Variants in DYM observed in about 807,000 individuals in gnomAD.
The protein encoded by DYM is dymeclin.
In DYM, 78 loss-of-function variants were observed where a neutral mutation model predicts 93.1. That is an observed-to-expected ratio of 0.84 (90% CI 0.70 to 1.01). DYM has a LOEUF of 1.01. Ranked by LOEUF, DYM falls within the 50% of genes least tolerant of loss-of-function variation. The probability of loss-of-function intolerance (pLI) is 0.00; values close to 1 mark genes in which losing one functional copy is unlikely to be tolerated. For missense variants in DYM, 789 were observed against 845.0 expected (o/e 0.93, Z 0.82); for synonymous variants, 321 against 319.7 (o/e 1.00, Z -0.04).
intron 8 of DYM, among the ~76,000 whole-genome samples, chr18:49,322,232 G>A (rs1006376198): frequency 5.9e-5 from 9 of 152,042 alleles, no homozygotes; most frequent in Non-Finnish European, 1.0e-4. Flanking sequence ...TTTTTGGATG[G>A]CTCATTCAAA....
intron 1 of DYM, chr18:49,447,422 T>G (rs2082183519): frequency 6.6e-6 from 1 of 152,252 alleles, no homozygotes; most frequent in South Asian, 2.1e-4. Context: ...ACACCCCAGA[T>G]AGTGTAGCCA....
intron 1 of DYM, among the ~76,000 whole-genome samples, chr18:49,454,373 T>G (rs1357515387): frequency 6.6e-6 from 1 of 152,158 alleles, no homozygotes; most frequent in African/African-American, 2.4e-5. Context: ...CACACGATAA[T>G]GCCTGCAGAA....
At position 49,274,840 on chromosome 18, in the gene DYM, A is replaced by G. The variant is rs574141473; in HGVS notation, c.1126-2537T>C. On this transcript the variant is annotated intron_variant, in intron 10 of 17. Coordinates refer to ENST00000675505, the MANE Select transcript of DYM (RefSeq NM_001353214.3). Reference sequence around the variant, plus strand: ...CATTTTTTAATTGGGTTGTCCTTCTACTATTGGGTTTAAAAAGTTCTTTAC... The same window carrying G: ...CATTTTTTAATTGGGTTGTCCTTCTGCTATTGGGTTTAAAAAGTTCTTTAC... Among the ~76,000 whole-genome samples, 5 of 152,146 alleles carry G rather than the reference A, an allele frequency of 3.3e-5. No individual in the cohort carries two copies. In the East Asian group the frequency reaches 9.6e-4, roughly 29 times the overall value.
At position 49,430,347 on chromosome 18, in the gene DYM, G is replaced by A. The variant is rs120074161; in HGVS notation, c.48C>T (p.Tyr16=). The change falls in exon 2 of 18, where the codon TAC becomes TAT. Residue 16 remains tyrosine (Y), a synonymous_variant. Coordinates refer to ENST00000675505, the MANE Select transcript of DYM (RefSeq NM_001353214.3). ...ATTCCGTGCCTGATAACTTTTTCAA[G>A]TACTCATTTTTAGGAAGATCGCCGA... is the stretch of plus-strand genomic sequence containing the variant. ...SRIGDLPKNE[Y]LKKLSGTESI... is the part of the protein sequence containing the mutation. 4 of 1,613,986 alleles carry A rather than the reference G, an allele frequency of 2.5e-6. No homozygotes were observed. The highest frequency in any genetic ancestry group is 1.1e-5 in the South Asian group (1 of 91,086).
intron 15 of DYM, among the ~76,000 whole-genome samples, chr18:49,160,103 T>A (rs551951843): frequency 6.6e-6 from 1 of 152,336 alleles, no homozygotes; most frequent in Admixed American, 6.5e-5. Flanking sequence ...TATGTAATCC[T>A]GATCATACAA....
At chr18:49,391,091 T>A (rs1568365063) in intron 3 of DYM, among the ~76,000 whole-genome samples, 1 of 152,218 alleles carries the variant, frequency 6.6e-6, no homozygotes, top group South Asian at 2.1e-4. Flanking sequence ...TTTTTCCTTA[T>A]AAGAATCCTG....
chr18:49,110,891 A>C (rs1457465767), intron 16 of DYM, among the ~76,000 whole-genome samples: 2 of 151,922 alleles, frequency 1.3e-5, no homozygotes, highest in African/African-American at 4.8e-5. Flanking sequence ...CTCATTTTTC[A>C]CATGTTTTTC....
intron 8 of DYM, among the ~76,000 whole-genome samples, chr18:49,318,573 G>C (rs1384805340): frequency 6.6e-6 from 1 of 151,998 alleles, no homozygotes; most frequent in Non-Finnish European, 1.5e-5. Flanking sequence ...AGTGAGCCGA[G>C]ATGGCGCCGC....
At chr18:49,363,336 C>A in intron 5 of DYM, 103 bp from the exon 6 acceptor site, 1 of 827,078 alleles carries the variant, frequency 1.2e-6, no homozygotes, top group Non-Finnish European at 2.1e-6. Flanking sequence ...AAACAGTTAT[C>A]ATTATATAAA....
rs190320833 is a variant in DYM, at chr18:49,445,486, A to G, written c.-54+14912T>C. ...TTTAAAACAAAAGAACGGAGAAAAGATAAAAGTTAAGGGAACTCCCATAAT... is the reference window on the plus strand; with the variant it reads ...TTTAAAACAAAAGAACGGAGAAAAGGTAAAAGTTAAGGGAACTCCCATAAT... On this transcript the variant is annotated intron_variant, in intron 1 of 17. Transcript: ENST00000675505. Among the ~76,000 whole-genome samples, 706 of 152,316 alleles carry G rather than the reference A, an allele frequency of 4.6e-3. 6 individuals are homozygous for G. The highest frequency in any genetic ancestry group is 4.4e-3 in the Non-Finnish European group (300 of 68,036).
intron 13 of DYM, among the ~76,000 whole-genome samples, chr18:49,223,703 GGAAA>G (rs2093437158): frequency 6.6e-6 from 1 of 151,912 alleles, no homozygotes; most frequent in East Asian, 1.9e-4. Context: ...GATAGGTAAG[GGAAA>G]GTTTCCTCAT....
rs759555373 is a variant in DYM at position 49,272,142 on chromosome 18, T to C, written c.1251+36A>G. ...CTTACGTAGGGACATGTCTGTTCTG[T>C]TAACTCTAACTCTAATCCAAGTAAT... On this transcript the variant is annotated intron_variant, in intron 11 of 17. Coordinates refer to ENST00000675505, the MANE Select transcript of DYM (RefSeq NM_001353214.3). The C allele has an allele frequency of 9.4e-6, 15 of 1,600,416 alleles. 1 individual carries two copies. The South Asian group carries it at 1.7e-4, about 18-fold the overall frequency.
intron 8 of DYM, among the ~76,000 whole-genome samples, chr18:49,319,179 G>C (rs75790610): frequency 0.01 from 1,527 of 152,250 alleles, 42 homozygotes; most frequent in South Asian, 0.076. Flanking sequence ...TACTATTGAA[G>C]ACAACTGCTC....
chr18:49,157,392 C>T (rs1364718214), intron 15 of DYM, among the ~76,000 whole-genome samples: 3 of 152,170 alleles, frequency 2.0e-5, no homozygotes, highest in Non-Finnish European at 4.4e-5. Flanking sequence ...TAATAGCTAA[C>T]CTTATCAAGC....
At chr18:49,196,707 G>T (rs1405041680) in intron 14 of DYM, among the ~76,000 whole-genome samples, 24 of 152,198 alleles carry the variant, frequency 1.6e-4, no homozygotes, top group Admixed American at 1.6e-3. Flanking sequence ...GGAAGAGAAA[G>T]CACAATTGAT....
At chr18:49,101,824 T>A (rs1373727623) in intron 16 of DYM, among the ~76,000 whole-genome samples, 1 of 152,168 alleles carries the variant, frequency 6.6e-6, no homozygotes, top group African/African-American at 2.4e-5. Context: ...GATGATACCA[T>A]TTTCTCTCTT....
intron 13 of DYM, among the ~76,000 whole-genome samples, chr18:49,225,556 GA>G (rs1223346966): frequency 6.6e-6 from 1 of 151,968 alleles, no homozygotes; most frequent in African/African-American, 2.4e-5. Context: ...TAATAATAAT[GA>G]ACCTCTTTAC....
intron 8 of DYM, among the ~76,000 whole-genome samples, chr18:49,304,532 A>G (rs1229818872): frequency 6.6e-6 from 1 of 152,158 alleles, no homozygotes; most frequent in African/African-American, 2.4e-5. Context: ...ATCTAACAGA[A>G]ACCTGGGTGT....
intron 13 of DYM, among the ~76,000 whole-genome samples, chr18:49,235,787 C>A (rs1331032868): frequency 2.3e-5 from 3 of 130,084 alleles, no homozygotes; most frequent in East Asian, 2.4e-4. Context: ...AAAAAAAAAA[C>A]TGTGGCTTGA....
Sources: gnomAD v4.1 joint callset for allele counts (sites outside exome capture counted in the v4.1 genomes callset) on GRCh38, gnomAD v4.1.1 for gene constraint, MANE v1.5 for transcripts, NCBI Gene and HGNC (gene_info 2026-07-23, HGNC 2026-07-21) for gene names.